Variants in ADAMTSL5 observed in about 807,000 individuals in gnomAD.
ADAMTSL5 encodes the protein ADAMTS-like protein 5.
In ADAMTSL5, 53 loss-of-function variants were observed where a neutral mutation model predicts 51.7. The observed-to-expected ratio is 1.03, with a 90% CI of 0.82 to 1.29. ADAMTSL5 has a LOEUF of 1.29. ADAMTSL5 is among the 50% of genes most tolerant of loss of function. The pLI is 0.00. For missense variants in ADAMTSL5, 770 were observed against 676.2 expected, an observed-to-expected ratio of 1.14 and a Z score of -1.54; for synonymous variants, 285 against 278.7, an observed-to-expected ratio of 1.02 and a Z score of -0.23.
At chr19:1,507,191 C>T (rs1164908677) in intron 9 of ADAMTSL5, 51 bp downstream of exon 9, 2 of 1,514,306 alleles carry the variant, frequency 1.3e-6, no homozygotes, top group African/African-American at 1.4e-5. Flanking sequence ...CCAGCCTCTC[C>T]CCTCTGTCCC....
chr19:1,508,032 C>T lies in ADAMTSL5; in HGVS notation c.567G>A (p.Ser189=), dbSNP rs1486126358. 1 of 1,607,708 alleles carries T rather than the reference C, an allele frequency of 6.2e-7. No homozygotes were observed. The highest frequency in any genetic ancestry group is 1.3e-5 in the African/African-American group (1 of 74,880). The change falls in exon 7 of 12, where the codon TCG becomes TCA. Residue 189 remains serine, a synonymous_variant. Transcript: ENST00000330475. ...GAAACACGCGCTGCACGAAAAGGCA[C>T]GAGTCGTTGGCGCCTCCGCAGCGGC... is the stretch of plus-strand genomic sequence containing the variant. The part of the protein sequence containing the change: ...RCGRCGGAND[S]CLFVQRVFRD...
At chr19:1,511,943 G>A (rs984394446) in intron 1 of ADAMTSL5, among the ~76,000 whole-genome samples, 1 of 152,226 alleles carries the variant, frequency 6.6e-6, no homozygotes, top group Non-Finnish European at 1.5e-5. Context: ...GGGGCAGCCC[G>A]TGGAGGGAAG....
rs904715927 is a variant in ADAMTSL5, at chr19:1,505,206, A to C, written c.*809T>G. On this transcript the variant is annotated 3_prime_UTR_variant, in exon 12 of 12. Coordinates refer to ENST00000330475, the MANE Select transcript of ADAMTSL5 (RefSeq NM_213604.3). ...AACGTAGCAAGACCCCATCTCTACA[A>C]AAAATTTAAAAGTTAGCCGGGCATG... The C allele has an allele frequency of 3.9e-5, 6 of 152,236 alleles. No homozygotes were observed. The highest frequency in any genetic ancestry group is 1.4e-4 in the African/African-American group (6 of 41,380). The allele number at this position is 152,236 out of a possible 1,614,324, so 9.4% of individuals were successfully genotyped here.
intron 1 of ADAMTSL5, chr19:1,511,619 T>A: frequency 3.4e-6 from 4 of 1,169,096 alleles, no homozygotes; most frequent in Non-Finnish European, 4.5e-6. Context: ...CCATCACTGC[T>A]TCTACCTTTC....
At chr19:1,512,111 G>A (rs1332123517) in intron 1 of ADAMTSL5, among the ~76,000 whole-genome samples, 1 of 152,182 alleles carries the variant, frequency 6.6e-6, no homozygotes, top group African/African-American at 2.4e-5. Flanking sequence ...AAGGGAAGCA[G>A]CCGCCAAGTG....
rs1413548516 is a variant in ADAMTSL5 at position 1,511,586 on chromosome 19, G to C, written c.-217-426C>G. On this transcript the variant is annotated intron_variant, in intron 1 of 11. Transcript: ENST00000330475. Reference sequence around the variant, plus strand: ...AGTACACAGGTGCCTCCTAGGGCTGGGGCCCCCTCCCCGCCCTCCCCACCA... The same window carrying C: ...AGTACACAGGTGCCTCCTAGGGCTGCGGCCCCCTCCCCGCCCTCCCCACCA... The C allele has an allele frequency of 3.2e-6, 4 of 1,261,978 alleles. 1 individual carries two copies. In the East Asian group the frequency reaches 1.7e-4, roughly 54 times the overall value. 78.2% of individuals were successfully genotyped at this position (1,261,978 alleles called of 1,614,324 possible). A position where few individuals can be genotyped will look rare whatever the true frequency, so the allele number is the denominator to read the frequency against.
chr19:1,512,155 G>A (rs1005546902), intron 1 of ADAMTSL5, among the ~76,000 whole-genome samples: 1 of 152,242 alleles, frequency 6.6e-6, no homozygotes, highest in Admixed American at 6.5e-5. Flanking sequence ...AGAGCCTGAA[G>A]GCAGGTGGGT....
At position 1,508,086 on chromosome 19, in the gene ADAMTSL5, C is replaced by G; in HGVS notation, c.513G>C (p.Leu171Phe). The G allele has an allele frequency of 6.2e-7, 1 of 1,610,334 alleles. No homozygotes were observed. Among genetic ancestry groups the G allele is most frequent in the South Asian group, 1.1e-5 (1 of 90,660 alleles). The change falls in exon 7 of 12, where the codon TTG becomes TTC. Residue 171 changes from leucine (L) to phenylalanine (F), a missense_variant. By Grantham distance (22) the Leu-to-Phe change is conservative (BLOSUM62 0). Transcript: ENST00000330475. The stretch of plus-strand genomic sequence containing the variant: ...AGCGGTCCTCGAGGGCACCCGAGCC[C>G]AACAACCCATCACAGCCGGCGCTCT... ...RCLSAGCDGL[L>F]GSGALEDRCG...
At chr19:1,507,476 C>T (rs1350825358) in intron 8 of ADAMTSL5, 71 bp from the exon 9 acceptor site, 11 of 1,609,860 alleles carry the variant, frequency 6.8e-6, no homozygotes, top group Non-Finnish European at 3.4e-6. Context: ...CCTCCTCAGG[C>T]CTCAGTCTCC....
rs368188906 is a variant in ADAMTSL5, at chr19:1,508,103, C to T, written c.496G>A (p.Gly166Ser). ...CCCGAGCCCAACAACCCATCACAGC[C>T]GGCGCTCTAAAGGGTGAAGGACAGG... Reference protein sequence around the residue: ...VCVAGRCLSAGCDGLLGSGAL... With the variant: ...VCVAGRCLSASCDGLLGSGAL... The change falls in exon 7 of 12, where the codon GGC becomes AGC. Residue 166 changes from glycine to serine, a missense_variant. Physicochemically the swap from Gly to Ser is moderately conservative, Grantham distance 56 (BLOSUM62 0). Coordinates refer to ENST00000330475, the MANE Select transcript of ADAMTSL5 (RefSeq NM_213604.3). The T allele has an allele frequency of 6.8e-6, 11 of 1,608,720 alleles. No individual in the cohort carries two copies. In the African/African-American group the frequency reaches 1.2e-4, roughly 18 times the overall value.
At position 1,510,912 on chromosome 19, in the gene ADAMTSL5, T is replaced by TG; in HGVS notation, c.31dup (p.His11ProfsTer67). The TG allele has an allele frequency of 6.8e-7, 1 of 1,476,680 alleles. No homozygotes were observed. The highest frequency in any genetic ancestry group is 8.9e-7 in the Non-Finnish European group (1 of 1,123,872). 91.5% of individuals were successfully genotyped at this position (1,476,680 alleles called of 1,614,324 possible). ...GAAGAGCAGGAGGTTCTGGAAGAGG[T>TG]GGGGCCTGGGGAACAGAGGGGCCGA... On this transcript the variant is annotated frameshift_variant, in exon 2 of 12. Coordinates refer to ENST00000330475, the MANE Select transcript of ADAMTSL5 (RefSeq NM_213604.3). LOFTEE classifies it high-confidence loss of function.
Position 1,506,531 on chromosome 19 carries a change from A to T in ADAMTSL5, c.1114+59T>A. 6.4e-7 allele frequency: 1 copy of T among 1,566,656 alleles called. No individual in the cohort carries two copies. The highest frequency in any genetic ancestry group is 1.2e-5 in the South Asian group (1 of 86,836). On this transcript the variant is annotated intron_variant, in intron 11 of 11. Coordinates refer to ENST00000330475, the MANE Select transcript of ADAMTSL5 (RefSeq NM_213604.3). This position sits in a 1 kb window ranked among gnomAD's most constrained non-coding sequence, Gnocchi z 5.6. ...AAGGGTAAAGTCAGATTAGGGTCAGAGGTCAGGAGGAGGCCAGGTTAGTAG... is the reference window on the plus strand; with the variant it reads ...AAGGGTAAAGTCAGATTAGGGTCAGTGGTCAGGAGGAGGCCAGGTTAGTAG...
Position 1,511,011 on chromosome 19 carries a change from G to T in ADAMTSL5, c.-68C>A, listed in dbSNP as rs564507828. ...CTGACTGGCTGTGTGATCTTGGAAAGTAACTAAACCTCTCTGAGCCCTACC... is the reference window on the plus strand; with the variant it reads ...CTGACTGGCTGTGTGATCTTGGAAATTAACTAAACCTCTCTGAGCCCTACC... On this transcript the variant is annotated 5_prime_UTR_variant, in exon 2 of 12. Coordinates refer to ENST00000330475, the MANE Select transcript of ADAMTSL5 (RefSeq NM_213604.3). 1 of 1,195,698 alleles carries T rather than the reference G, an allele frequency of 8.4e-7. No individual in the cohort carries two copies. The highest frequency in any genetic ancestry group is 2.5e-5 in the South Asian group (1 of 39,538). The allele number at this position is 1,195,698 out of a possible 1,614,324, so 74.1% of individuals were successfully genotyped here.
Position 1,506,865 on chromosome 19 carries a change from T to C in ADAMTSL5, c.916A>G (p.Ser306Gly). ...GCCTGCACACGAGCCTGGAAGGGGCTGTAGCGCTCCCGAGGGAGCCAGAAC... is the reference window on the plus strand; with the variant it reads ...GCCTGCACACGAGCCTGGAAGGGGCCGTAGCGCTCCCGAGGGAGCCAGAAC... Reference protein sequence around the residue: ...FEFWLPRERYSPFQARVQALG... With the variant: ...FEFWLPRERYGPFQARVQALG... Residue 306 changes from serine to glycine, a missense_variant, in exon 10 of 12, where the codon AGC becomes GGC. Physicochemically the swap from Ser to Gly is moderately conservative, Grantham distance 56. Coordinates refer to ENST00000330475, the MANE Select transcript of ADAMTSL5 (RefSeq NM_213604.3). This position sits in a 1 kb window ranked among gnomAD's most constrained non-coding sequence, Gnocchi z 5.6. The C allele has an allele frequency of 6.5e-7, 1 of 1,548,410 alleles. No homozygotes were observed. The highest frequency in any genetic ancestry group is 8.7e-7 in the Non-Finnish European group (1 of 1,146,020).
chr19:1,509,972 C>T (rs974940940), intron 5 of ADAMTSL5, among the ~76,000 whole-genome samples, 178 bp downstream of exon 5: 1 of 152,154 alleles, frequency 6.6e-6, no homozygotes, highest in Non-Finnish European at 1.5e-5. Flanking sequence ...ACCCTGCTTC[C>T]CTCTGCCCCT....
At chr19:1,509,967 G>A (rs898936046) in intron 5 of ADAMTSL5, among the ~76,000 whole-genome samples, 183 bp downstream of exon 5, 2 of 152,138 alleles carry the variant, frequency 1.3e-5, no homozygotes, top group South Asian at 2.1e-4. Context: ...AATGAACCCT[G>A]CTTCCCTCTG....
At chr19:1,512,581 A>G (rs767848789) in intron 1 of ADAMTSL5, among the ~76,000 whole-genome samples, 16 of 152,122 alleles carry the variant, frequency 1.1e-4, no homozygotes, top group Non-Finnish European at 1.8e-4. Flanking sequence ...TTGGGAGGCT[A>G]AGGCAGGAGA....
In ADAMTSL5 at chr19:1,505,704, C is replaced by T; in HGVS notation, c.*311G>A. The T allele has an allele frequency of 3.2e-6, 1 of 317,032 alleles. No individual in the cohort carries two copies. The highest frequency in any genetic ancestry group is 5.8e-6 in the Non-Finnish European group (1 of 171,028). 19.6% of individuals were successfully genotyped at this position (317,032 alleles called of 1,614,324 possible). A position where few individuals can be genotyped will look rare whatever the true frequency, so the allele number is the denominator to read the frequency against. On this transcript the variant is annotated 3_prime_UTR_variant, in exon 12 of 12. Transcript: ENST00000330475. ...TGTCTCCAAGCAAGTGTGACGCGCG[C>T]AAAGAGAAAGAAAGCAGCGTTAAAC...
intron 7 of ADAMTSL5, 48 bp downstream of exon 7, chr19:1,507,950 A>G (rs1364148256): frequency 6.5e-7 from 1 of 1,528,618 alleles, no homozygotes; most frequent in Non-Finnish European, 8.9e-7. Context: ...CGGCTCGTTA[A>G]AGGGCCCACT....
Sources: gnomAD v4.1 joint callset for allele counts (sites outside exome capture counted in the v4.1 genomes callset) on GRCh38, gnomAD v4.1.1 for gene constraint, Gnocchi (gnomAD v3.1) non-coding constraint, MANE v1.5 for transcripts, NCBI Gene and HGNC (gene_info 2026-07-23, HGNC 2026-07-21) for gene names.